Variants in NAV3 observed in about 807,000 individuals in gnomAD.
NAV3 encodes pore membrane and/or filament interacting like protein 1.
In NAV3, 87 loss-of-function variants were observed where a neutral mutation model predicts 244.7. That is an observed-to-expected ratio of 0.36 (90% confidence interval 0.30 to 0.42). The LOEUF is 0.42. NAV3 is among the 20% of genes least tolerant of loss of function. NAV3 has a pLI of 1.00. For synonymous variants in NAV3, 1,126 were observed against 1,042.2 expected (o/e 1.08, Z -1.55); for missense variants, 2,663 against 2,893.3 (o/e 0.92, Z 1.83).
intron 2 of NAV3, among the ~76,000 whole-genome samples, chr12:77,766,492 T>C (rs778021134): frequency 6.6e-6 from 1 of 152,182 alleles, no homozygotes; most frequent in African/African-American, 2.4e-5. Flanking sequence ...CAACTTGCTG[T>C]CTAATGTGGA....
chr12:77,888,997 C>T (rs1465301811), intron 1 of NAV3, among the ~76,000 whole-genome samples: 2 of 152,150 alleles, frequency 1.3e-5, no homozygotes, highest in East Asian at 3.9e-4. Flanking sequence ...CAATGCCCTC[C>T]AAACCTGCAT....
rs184497380 is a variant in NAV3 at position 77,587,920 on chromosome 12, T to C, written c.72+15654T>C. Among the ~76,000 whole-genome samples, 7 of 152,274 alleles carry C rather than the reference T, an allele frequency of 4.6e-5. No homozygotes were observed. The East Asian group carries it at 1.2e-3, about 25-fold the overall frequency. ...AACTTTCCCGAGGTTAACTGCTGGATAATGTTAGAGTTGTGATCAAAGACA... is the reference window on the plus strand; with the variant it reads ...AACTTTCCCGAGGTTAACTGCTGGACAATGTTAGAGTTGTGATCAAAGACA... On this transcript the variant is annotated intron_variant, in intron 2 of 8. Transcript: ENST00000550042.
intron 1 of NAV3, among the ~76,000 whole-genome samples, chr12:77,883,833 C>T (rs10859562): frequency 0.37 from 56,243 of 151,836 alleles, 10,794 homozygotes; most frequent in African/African-American, 0.48. Context: ...TTTCAGTTTA[C>T]CACAGGGAAA....
In NAV3 at chr12:78,188,680, A is replaced by G. The variant is rs1213137970; in HGVS notation, c.5958A>G (p.Ile1986Met). ...LSSDCIASYCIGDLIRSHNLE... is the reference protein window; with the variant it reads ...LSSDCIASYCMGDLIRSHNLE... ...CTGACTGCATTGCTAGCTACTGTAT[A>G]GGAGACTTAATTAGATCCCATAACC... The change falls in exon 33 of 40, where the codon ATA (isoleucine) becomes ATG (methionine). Residue 1986 changes from isoleucine to methionine, a missense_variant. Physicochemically the swap from Ile to Met is conservative, Grantham distance 10. Transcript: ENST00000397909. The G allele has an allele frequency of 3.7e-6, 6 of 1,612,410 alleles. No homozygotes were observed. The highest frequency in any genetic ancestry group is 5.1e-6 in the Non-Finnish European group (6 of 1,179,052).
At chr12:77,960,366 C>T (rs1891774534) in intron 3 of NAV3, among the ~76,000 whole-genome samples, 1 of 151,566 alleles carries the variant, frequency 6.6e-6, no homozygotes, top group Non-Finnish European at 1.5e-5. Flanking sequence ...CTAAGTCATA[C>T]ATTTAGACTG....
intron 2 of NAV3, among the ~76,000 whole-genome samples, chr12:77,628,947 T>C (rs1871764380): frequency 1.3e-5 from 2 of 151,758 alleles, no homozygotes; most frequent in Admixed American, 1.3e-4. Context: ...ATCCTCTGCA[T>C]TTTACAGAAT....
At chr12:78,020,920 C>T (rs922081275) in intron 8 of NAV3, among the ~76,000 whole-genome samples, 5 of 152,154 alleles carry the variant, frequency 3.3e-5, no homozygotes, top group South Asian at 2.1e-4. Flanking sequence ...TATATTACCT[C>T]GCCTCCTTCT....
At chr12:77,858,690 T>C (rs1343668263) in intron 1 of NAV3, among the ~76,000 whole-genome samples, 2 of 152,040 alleles carry the variant, frequency 1.3e-5, no homozygotes, top group African/African-American at 4.8e-5. Flanking sequence ...AGGCAAAGGT[T>C]CACAAATCAA....
intron 2 of NAV3, among the ~76,000 whole-genome samples, chr12:77,762,108 A>T (rs895153433): frequency 2.0e-4 from 31 of 152,226 alleles, no homozygotes; most frequent in Admixed American, 1.3e-4. Flanking sequence ...ATAAAAAAGG[A>T]TGAGTTCATG....
rs150285278 is a variant in NAV3 at position 77,852,758 on chromosome 12, G to A, written c.243+21054G>A. Among the ~76,000 whole-genome samples, 21 of 152,182 alleles carry A rather than the reference G, an allele frequency of 1.4e-4. No homozygotes were observed. The East Asian group carries it at 2.7e-3, about 20-fold the overall frequency. On this transcript the variant is annotated intron_variant, in intron 1 of 39. Coordinates refer to ENST00000397909, the MANE Select transcript of NAV3 (RefSeq NM_001024383.2). ...ACATTTTTCCAGCTAGTAGAGAATA[G>A]GAAACAGACATTTACAATTGCTGTC...
intron 2 of NAV3, among the ~76,000 whole-genome samples, chr12:77,705,073 ATGTAT>A (rs1358383277): frequency 1.3e-5 from 2 of 152,360 alleles, no homozygotes; most frequent in African/African-American, 2.4e-5. Flanking sequence ...TGTAACATTC[ATGTAT>A]TGTATTAATC....
At chr12:77,762,402 A>G (rs543987857) in intron 2 of NAV3, among the ~76,000 whole-genome samples, 1 of 152,106 alleles carries the variant, frequency 6.6e-6, no homozygotes, top group Admixed American at 6.6e-5. Context: ...CATTCTGCAC[A>G]TGTATCCCAG....
chr12:78,099,168 A>G (rs1479722053), intron 12 of NAV3, among the ~76,000 whole-genome samples: 1 of 151,644 alleles, frequency 6.6e-6, no homozygotes, highest in Non-Finnish European at 1.5e-5. Context: ...TGTTACTTAC[A>G]ATAGTTAGAA....
chr12:78,195,420 C>A (rs918574266), intron 34 of NAV3, among the ~76,000 whole-genome samples: 2 of 151,500 alleles, frequency 1.3e-5, no homozygotes, highest in Non-Finnish European at 2.9e-5. Flanking sequence ...TTTCTGTGAA[C>A]CTTAAGTCTG....
chr12:78,035,601 C>G (rs745586524), intron 9 of NAV3, among the ~76,000 whole-genome samples: 3 of 152,174 alleles, frequency 2.0e-5, no homozygotes, highest in Non-Finnish European at 2.9e-5. Flanking sequence ...TCAAAAGACA[C>G]AATGTGCATT....
At chr12:77,751,149 G>T (rs1399237433) in intron 2 of NAV3, among the ~76,000 whole-genome samples, 1 of 152,144 alleles carries the variant, frequency 6.6e-6, no homozygotes, top group Non-Finnish European at 1.5e-5. Flanking sequence ...GTTGAGTTTG[G>T]TGTTGGTCAG....
At chr12:77,886,287 T>C (rs1361138229) in intron 1 of NAV3, among the ~76,000 whole-genome samples, 1 of 152,182 alleles carries the variant, frequency 6.6e-6, no homozygotes, top group Non-Finnish European at 1.5e-5. Context: ...CTTCTCTTTA[T>C]ACAGCCTGCT....
chr12:78,142,755 G>A (rs11108465), intron 20 of NAV3, among the ~76,000 whole-genome samples: 38,913 of 131,032 alleles, frequency 0.3, 6,722 homozygotes, highest in East Asian at 0.44. Context: ...ATATTTATAG[G>A]CCAATATATG....
At chr12:77,592,693 G>A (rs148425110) in intron 2 of NAV3, among the ~76,000 whole-genome samples, 110 of 152,224 alleles carry the variant, frequency 7.2e-4, no homozygotes, top group African/African-American at 2.5e-3. Flanking sequence ...ACTTTTTCAC[G>A]TACGCTAAAT....
Sources: allele counts gnomAD v4.1 joint callset (sites outside exome capture counted in the v4.1 genomes callset), GRCh38; gene constraint gnomAD v4.1.1; transcripts MANE v1.5; gene names NCBI Gene and HGNC (gene_info 2026-07-23, HGNC 2026-07-21).